Variants in CPQ observed in about 807,000 individuals in gnomAD.
CPQ encodes the protein carboxypeptidase Q.
In CPQ, 37 loss-of-function variants were observed where a neutral mutation model predicts 45.7. That is an observed-to-expected ratio of 0.81 (90% CI 0.62 to 1.07). CPQ has a LOEUF of 1.07. Among genes scored for constraint, CPQ ranks in the 50% least tolerant of loss-of-function variants. The pLI, the probability that CPQ is intolerant of heterozygous loss-of-function variation, is 0.00. For synonymous variants in CPQ, 186 were observed against 205.8 expected, an observed-to-expected ratio of 0.90 and a Z score of 0.82; for missense variants, 537 against 572.9, an observed-to-expected ratio of 0.94 and a Z score of 0.64.
At chr8:97,109,827 G>T (rs1811469564) in intron 7 of CPQ, among the ~76,000 whole-genome samples, 1 of 151,790 alleles carries the variant, frequency 6.6e-6, no homozygotes, top group Non-Finnish European at 1.5e-5. Context: ...TCGTCCTCAG[G>T]CCAATGCACA....
intron 1 of CPQ, among the ~76,000 whole-genome samples, chr8:96,699,206 T>G (rs1338197700): frequency 1.3e-5 from 2 of 152,198 alleles, no homozygotes; most frequent in African/African-American, 2.4e-5. Flanking sequence ...AGGTCATTTA[T>G]GTTGAGTGAA....
At chr8:96,674,289 T>C (rs1809045670) in intron 1 of CPQ, among the ~76,000 whole-genome samples, 1 of 152,182 alleles carries the variant, frequency 6.6e-6, no homozygotes, top group Non-Finnish European at 1.5e-5. Flanking sequence ...TCCTTAATGA[T>C]GTTGTGGTTA....
At chr8:97,138,394 G>C (rs189769942) in intron 7 of CPQ, among the ~76,000 whole-genome samples, 3 of 152,248 alleles carry the variant, frequency 2.0e-5, no homozygotes, top group East Asian at 3.9e-4. Context: ...ACGTGGGTTG[G>C]GCTTGGAGAA....
chr8:96,804,121 G>A (rs930619084), intron 2 of CPQ, among the ~76,000 whole-genome samples: 2 of 152,314 alleles, frequency 1.3e-5, no homozygotes, highest in African/African-American at 4.8e-5. Context: ...TTTTAGGACA[G>A]GAAACTAGAA....
chr8:97,136,419 A>G (rs996816007), intron 7 of CPQ, among the ~76,000 whole-genome samples: 3 of 152,236 alleles, frequency 2.0e-5, no homozygotes, highest in Non-Finnish European at 4.4e-5. Context: ...AACTATAATA[A>G]AGAATTAATT....
At chr8:97,104,234 C>T (rs1811363662) in intron 7 of CPQ, among the ~76,000 whole-genome samples, 1 of 152,040 alleles carries the variant, frequency 6.6e-6, no homozygotes. Flanking sequence ...TTTTTGTGCC[C>T]AGTCGTTTTT....
Position 97,066,316 on chromosome 8 carries a change from C to A in CPQ, c.1255+106C>A, listed in dbSNP as rs536469851. 669 of 993,378 alleles carry A rather than the reference C, an allele frequency of 6.7e-4. 3 individuals carry two copies. Among genetic ancestry groups the A allele is most frequent in the Middle Eastern group, 4.0e-3 (13 of 3,234 alleles). 61.5% of individuals were successfully genotyped at this position (993,378 alleles called of 1,614,324 possible). A position where few individuals can be genotyped will look rare whatever the true frequency, so the allele number is the denominator to read the frequency against. On this transcript the variant is annotated intron_variant, in intron 7 of 7. Transcript: ENST00000220763. ...GAATACTAGTAGGCCAGGTTGTCCA[C>A]GGAAACCTTAAGCTTTTGTTCAAGG...
At chr8:96,819,975 G>A (rs1811280168) in intron 2 of CPQ, among the ~76,000 whole-genome samples, 1 of 152,102 alleles carries the variant, frequency 6.6e-6, no homozygotes, top group South Asian at 2.1e-4. Context: ...CAAGTGGAAA[G>A]TTTGCCCAAC....
At chr8:97,079,881 T>C (rs546104661) in intron 7 of CPQ, among the ~76,000 whole-genome samples, 2 of 152,286 alleles carry the variant, frequency 1.3e-5, no homozygotes, top group South Asian at 2.1e-4. Flanking sequence ...GTTTAGTTAA[T>C]ATAGGGAAAT....
At chr8:96,742,518 A>T (rs1267409088) in intron 1 of CPQ, among the ~76,000 whole-genome samples, 1 of 151,798 alleles carries the variant, frequency 6.6e-6, no homozygotes, top group Non-Finnish European at 1.5e-5. Flanking sequence ...TCCTGTCATT[A>T]TGATGTTAGC....
chr8:96,849,594 G>A (rs1240346550), intron 3 of CPQ, among the ~76,000 whole-genome samples: 1 of 152,178 alleles, frequency 6.6e-6, no homozygotes, highest in Non-Finnish European at 1.5e-5. Context: ...ATCCAGTGCT[G>A]CTCCATATGT....
At chr8:96,915,549 T>C (rs1162638067) in intron 4 of CPQ, among the ~76,000 whole-genome samples, 1 of 152,176 alleles carries the variant, frequency 6.6e-6, no homozygotes, top group Non-Finnish European at 1.5e-5. Context: ...CATTTGGGTT[T>C]TTCCATACTT....
chr8:96,745,307 C>CAA (rs112851967), intron 1 of CPQ, among the ~76,000 whole-genome samples: 12 of 145,364 alleles, frequency 8.3e-5, no homozygotes, highest in African/African-American at 3.0e-4. Flanking sequence ...GACTCCATCT[C>CAA]AAAAAAAAAA....
At chr8:96,948,371 C>T (rs551496465) in intron 4 of CPQ, among the ~76,000 whole-genome samples, 130 of 152,126 alleles carry the variant, frequency 8.5e-4, no homozygotes, top group Middle Eastern at 3.4e-3. Flanking sequence ...TGAGGTATTT[C>T]TAATTTCCTT....
intron 4 of CPQ, among the ~76,000 whole-genome samples, chr8:96,925,125 A>G (rs1240183645): frequency 1.3e-5 from 2 of 152,226 alleles, no homozygotes; most frequent in East Asian, 3.9e-4. Context: ...TAGATGCTCT[A>G]TATGTGTTTA....
At chr8:96,921,764 A>G (rs1812810817) in intron 4 of CPQ, among the ~76,000 whole-genome samples, 1 of 152,234 alleles carries the variant, frequency 6.6e-6, no homozygotes, top group Non-Finnish European at 1.5e-5. Context: ...AAACTTTTAT[A>G]GAAATTCTAA....
intron 1 of CPQ, among the ~76,000 whole-genome samples, chr8:96,668,427 G>T (rs975123686): frequency 6.6e-6 from 1 of 152,190 alleles, no homozygotes; most frequent in African/African-American, 2.4e-5. Context: ...AAAAGTAAAT[G>T]ATATGCTTGT....
chr8:96,774,574 G>A (rs529009848), intron 1 of CPQ, among the ~76,000 whole-genome samples: 5 of 152,194 alleles, frequency 3.3e-5, no homozygotes, highest in Admixed American at 1.3e-4. Context: ...AGAATTTGAA[G>A]GCAGAATTAC....
intron 3 of CPQ, among the ~76,000 whole-genome samples, chr8:96,876,096 T>G (rs1438313258): frequency 6.6e-6 from 1 of 152,032 alleles, no homozygotes; most frequent in East Asian, 1.9e-4. Flanking sequence ...GATTACTCTT[T>G]GCTATTGTTT....
Sources: gnomAD v4.1 joint callset for allele counts (sites outside exome capture counted in the v4.1 genomes callset) on GRCh38, gnomAD v4.1.1 for gene constraint, MANE v1.5 for transcripts, NCBI Gene and HGNC (gene_info 2026-07-23, HGNC 2026-07-21) for gene names.